NLGN1: variants seen among roughly 807,000 people sequenced by gnomAD.
The protein encoded by NLGN1 is neuroligin 1.
Under a neutral mutation model 65.5 loss-of-function variants are expected in NLGN1, and 12 were observed. The ratio of observed to expected loss-of-function variants is 0.18; its 90% CI spans 0.12 to 0.30. NLGN1 has a LOEUF of 0.30. Among genes scored for constraint, NLGN1 ranks in the 10% least tolerant of loss-of-function variants. The probability of loss-of-function intolerance (pLI) is 1.00; values close to 1 mark genes in which losing one functional copy is unlikely to be tolerated. For synonymous variants in NLGN1, 350 were observed against 359.5 expected, an observed-to-expected ratio of 0.97 and a Z score of 0.30; for missense variants, 750 against 1,007.1, an observed-to-expected ratio of 0.74 and a Z score of 3.46.
At chr3:173,420,579 T>G (rs1276796212) in intron 1 of NLGN1, among the ~76,000 whole-genome samples, 1 of 152,212 alleles carries the variant, frequency 6.6e-6, no homozygotes, top group Non-Finnish European at 1.5e-5. Context: ...TTTATAATCC[T>G]CTGGGTATAT....
intron 4 of NLGN1, among the ~76,000 whole-genome samples, chr3:173,980,843 A>T (rs1718624607): frequency 6.6e-6 from 1 of 152,050 alleles, no homozygotes; most frequent in African/African-American, 2.4e-5. Context: ...TGACCCATTT[A>T]TATTTTGAGG....
intron 4 of NLGN1, among the ~76,000 whole-genome samples, chr3:174,138,326 A>ATGT (rs1440297962): frequency 6.6e-6 from 1 of 152,062 alleles, no homozygotes; most frequent in African/African-American, 2.4e-5. Flanking sequence ...ATTTTCAATA[A>ATGT]TGTTGTTTTT....
intron 3 of NLGN1, among the ~76,000 whole-genome samples, chr3:173,672,091 G>A (rs1269028990): frequency 2.0e-5 from 3 of 152,096 alleles, no homozygotes; most frequent in African/African-American, 7.2e-5. Flanking sequence ...GGAGAATGGT[G>A]TGATCCCAGG....
chr3:173,878,299 CAG>C (rs1369330488), intron 4 of NLGN1, among the ~76,000 whole-genome samples: 1 of 152,140 alleles, frequency 6.6e-6, no homozygotes, highest in East Asian at 1.9e-4. Flanking sequence ...TTGGGCCTCT[CAG>C]AGTGCAGGGA....
chr3:173,924,329 A>G (rs894891135), intron 4 of NLGN1, among the ~76,000 whole-genome samples: 1 of 152,150 alleles, frequency 6.6e-6, no homozygotes, highest in African/African-American at 2.4e-5. Context: ...AACGTGAAAA[A>G]TGTATTTCAT....
chr3:174,183,173 A>G (rs1730760974), intron 4 of NLGN1, among the ~76,000 whole-genome samples: 1 of 152,030 alleles, frequency 6.6e-6, no homozygotes. Context: ...CCCATTGTCT[A>G]CTAGGCAACA....
intron 4 of NLGN1, among the ~76,000 whole-genome samples, chr3:173,918,372 C>T (rs2152251204): frequency 6.6e-6 from 1 of 152,162 alleles, no homozygotes; most frequent in South Asian, 2.1e-4. Flanking sequence ...CGCGGTGGCT[C>T]ACACCTGTAA....
chr3:174,071,509 C>T (rs1441398820), intron 4 of NLGN1, among the ~76,000 whole-genome samples: 1 of 152,008 alleles, frequency 6.6e-6, no homozygotes, highest in African/African-American at 2.4e-5. Context: ...TGGCAAAACC[C>T]TGTCTCTACA....
intron 4 of NLGN1, among the ~76,000 whole-genome samples, chr3:174,249,874 A>C (rs1379868794): frequency 6.6e-6 from 1 of 152,190 alleles, no homozygotes; most frequent in Non-Finnish European, 1.5e-5. Flanking sequence ...TCATTGTCAC[A>C]AATGGGTCAT....
At chr3:173,663,070 C>A (rs1761164589) in intron 3 of NLGN1, among the ~76,000 whole-genome samples, 1 of 151,930 alleles carries the variant, frequency 6.6e-6, no homozygotes, top group Admixed American at 6.6e-5. Flanking sequence ...TTTCAAAATT[C>A]AGTGGGATAG....
chr3:174,134,852 A>G (rs774342895), intron 4 of NLGN1, among the ~76,000 whole-genome samples: 7 of 152,198 alleles, frequency 4.6e-5, no homozygotes, highest in Non-Finnish European at 8.8e-5. Context: ...GTCTAATTCC[A>G]TATTCCCAGA....
chr3:173,682,263 T>C (rs1416922976), intron 3 of NLGN1, among the ~76,000 whole-genome samples: 4 of 152,192 alleles, frequency 2.6e-5, no homozygotes, highest in African/African-American at 9.6e-5. Flanking sequence ...CATACAAATA[T>C]TGCCTTTATG....
intron 2 of NLGN1, among the ~76,000 whole-genome samples, chr3:173,583,940 A>G (rs1417652341): frequency 6.6e-6 from 1 of 152,218 alleles, no homozygotes; most frequent in Non-Finnish European, 1.5e-5. Context: ...TAAAAGCAGC[A>G]TATCTCAGGA....
intron 4 of NLGN1, among the ~76,000 whole-genome samples, chr3:173,987,833 A>G (rs1720275346): frequency 6.6e-6 from 1 of 152,174 alleles, no homozygotes; most frequent in African/African-American, 2.4e-5. Flanking sequence ...AGGGAGACTT[A>G]CTTCTGAATT....
At chr3:173,427,612 T>G (rs1373822525) in intron 1 of NLGN1, among the ~76,000 whole-genome samples, 1 of 151,966 alleles carries the variant, frequency 6.6e-6, no homozygotes, top group Admixed American at 6.6e-5. Context: ...CATGTATCTG[T>G]GCAATTTCCA....
At chr3:173,980,657 A>G (rs185249148) in intron 4 of NLGN1, among the ~76,000 whole-genome samples, 1 of 152,102 alleles carries the variant, frequency 6.6e-6, no homozygotes, top group Non-Finnish European at 1.5e-5. Context: ...CAAAAAAAAC[A>G]TTGTATAATG....
intron 4 of NLGN1, among the ~76,000 whole-genome samples, chr3:173,878,996 G>A (rs914227761): frequency 6.6e-6 from 1 of 152,072 alleles, no homozygotes; most frequent in African/African-American, 2.4e-5. Context: ...ACTTTGGGAG[G>A]CCATAGCATG....
At chr3:174,185,807 C>CA (rs71162377) in intron 4 of NLGN1, among the ~76,000 whole-genome samples, 79,222 of 149,268 alleles carry the variant, frequency 0.53, 21,584 homozygotes, top group East Asian at 0.72. Context: ...AGAAATTAAC[C>CA]AAAAAAAAAC....
At chr3:174,160,951 C>A (rs1726388224) in intron 4 of NLGN1, among the ~76,000 whole-genome samples, 1 of 151,614 alleles carries the variant, frequency 6.6e-6, no homozygotes, top group Non-Finnish European at 1.5e-5. Flanking sequence ...TCTGCCCAGC[C>A]TCTGATAACC....
Sources: gnomAD v4.1 joint callset for allele counts (sites outside exome capture counted in the v4.1 genomes callset) on GRCh38, gnomAD v4.1.1 for gene constraint, MANE v1.5 for transcripts, NCBI Gene and HGNC (gene_info 2026-07-23, HGNC 2026-07-21) for gene names.